ANK1: variants seen among roughly 807,000 people sequenced by gnomAD.
ANK1 encodes the protein ankyrin 1.
In ANK1, 51 loss-of-function variants were observed where a neutral mutation model predicts 210.4. The ratio of observed to expected loss-of-function variants is 0.24; its 90% CI spans 0.19 to 0.31. The LOEUF (loss-of-function observed/expected upper bound fraction) is 0.31. Among genes scored for constraint, ANK1 ranks in the 10% least tolerant of loss-of-function variants. ANK1 has a pLI of 1.00. For missense variants in ANK1, 2,051 were observed against 2,504.4 expected (o/e 0.82, Z 3.86); for synonymous variants, 967 against 1,025.9 (o/e 0.94, Z 1.10).
intron 40 of ANK1, among the ~76,000 whole-genome samples, chr8:41,663,223 G>A (rs967032630): frequency 3.3e-5 from 5 of 151,944 alleles, no homozygotes; most frequent in East Asian, 1.9e-4. Context: ...GGGCTCAAGC[G>A]ATCCTCCTGC....
intron 1 of ANK1, among the ~76,000 whole-genome samples, chr8:41,762,640 T>C (rs1431799779): frequency 6.6e-6 from 1 of 152,238 alleles, no homozygotes; most frequent in African/African-American, 2.4e-5. Context: ...AGGCATGAGC[T>C]GGGTTTCCAG....
In ANK1 at chr8:41,672,682, C is replaced by T. The variant is rs913559693; in HGVS notation, c.4768G>A (p.Ala1590Thr). The stretch of plus-strand genomic sequence containing the variant: ...TGACCTGTGGCATCAGAGTCCTCAG[C>T]CTTGCTACACTCCAGAGAGGAGTCC... ...AEDSSLECSK[A>T]EDSDATGHEW... Residue 1590 changes from alanine to threonine, a missense_variant, in exon 38 of 43, where the codon GCT (alanine) becomes ACT (threonine). This residue lies in a region of ANK1 where 496 missense variants were observed against 533.4 expected (regional missense o/e 0.93). Transcript: ENST00000289734. 5.6e-6 allele frequency: 9 copies of T among 1,613,982 alleles called. No homozygotes were observed. The African/African-American group carries it at 1.1e-4, about 19-fold the overall frequency.
chr8:41,705,502 AG>A (rs1033605258), intron 18 of ANK1, among the ~76,000 whole-genome samples: 1 of 151,864 alleles, frequency 6.6e-6, no homozygotes. Flanking sequence ...GCTACTCTGG[AG>A]GGGGCGGGAG....
intron 1 of ANK1, among the ~76,000 whole-genome samples, chr8:41,850,908 G>C (rs1811117159): frequency 6.6e-6 from 1 of 152,262 alleles, no homozygotes; most frequent in Non-Finnish European, 1.5e-5. Context: ...AAGCTCACGT[G>C]CATGTCATCA....
At chr8:41,709,677 G>A (rs1360549224) in intron 16 of ANK1, among the ~76,000 whole-genome samples, 2 of 152,220 alleles carry the variant, frequency 1.3e-5, no homozygotes, top group East Asian at 1.9e-4. Flanking sequence ...GTTCATGCCT[G>A]TATTCCCAAC....
At chr8:41,778,558 C>T (rs1050133069) in intron 1 of ANK1, among the ~76,000 whole-genome samples, 2 of 152,210 alleles carry the variant, frequency 1.3e-5, no homozygotes, top group African/African-American at 4.8e-5. Context: ...GGCTTCCTGA[C>T]CTCCTGGAGA....
At chr8:41,687,017 G>A (rs565619375) in intron 35 of ANK1, among the ~76,000 whole-genome samples, 4 of 152,018 alleles carry the variant, frequency 2.6e-5, no homozygotes, top group South Asian at 2.1e-4. Context: ...GCACACACAC[G>A]CCCCCTGAGC....
chr8:41,831,691 AAAGG>A (rs1209918030), intron 1 of ANK1, among the ~76,000 whole-genome samples: 22 of 152,082 alleles, frequency 1.4e-4, no homozygotes, highest in East Asian at 3.9e-4. Context: ...AAAGGAAAGA[AAAGG>A]AAGGAAGGAA....
At chr8:41,815,070 G>A (rs1199038510) in intron 1 of ANK1, among the ~76,000 whole-genome samples, 1 of 152,050 alleles carries the variant, frequency 6.6e-6, no homozygotes, top group Non-Finnish European at 1.5e-5. Context: ...AATATCAAAA[G>A]GTTTAAACAT....
chr8:41,756,214 C>T (rs1478540255), intron 2 of ANK1, among the ~76,000 whole-genome samples: 2 of 152,018 alleles, frequency 1.3e-5, no homozygotes, highest in South Asian at 2.1e-4. Context: ...ACGACGATCT[C>T]GGCTCACTGC....
intron 5 of ANK1, among the ~76,000 whole-genome samples, chr8:41,727,014 C>T (rs1206400388): frequency 6.6e-6 from 1 of 152,250 alleles, no homozygotes; most frequent in East Asian, 1.9e-4. Context: ...GCGGGAAGGA[C>T]ACCCTCAAGT....
intron 1 of ANK1, among the ~76,000 whole-genome samples, chr8:41,810,514 T>C (rs1372009195): frequency 6.6e-6 from 1 of 152,214 alleles, no homozygotes; most frequent in Non-Finnish European, 1.5e-5. Context: ...GAGGCTGCCC[T>C]ACAGCCGTGC....
At chr8:41,777,273 A>G (rs1182211689) in intron 1 of ANK1, among the ~76,000 whole-genome samples, 1 of 152,076 alleles carries the variant, frequency 6.6e-6, no homozygotes, top group Non-Finnish European at 1.5e-5. Context: ...CCTTGGCTTC[A>G]TGTCTTTTTA....
At chr8:41,882,325 G>A (rs1159016551) in intron 1 of ANK1, among the ~76,000 whole-genome samples, 2 of 152,036 alleles carry the variant, frequency 1.3e-5, no homozygotes, top group Non-Finnish European at 2.9e-5. Context: ...AGGGTTCATC[G>A]CCCCGTACAT....
chr8:41,841,311 C>T (rs1808846902), intron 1 of ANK1, among the ~76,000 whole-genome samples: 1 of 152,190 alleles, frequency 6.6e-6, no homozygotes, highest in African/African-American at 2.4e-5. Context: ...CATGATTCCA[C>T]TTAAACGGGG....
chr8:41,859,058 T>G (rs1332651950), intron 1 of ANK1, among the ~76,000 whole-genome samples: 1 of 152,186 alleles, frequency 6.6e-6, no homozygotes, highest in Non-Finnish European at 1.5e-5. Context: ...GAGCAGGGCC[T>G]CAGGAACAGG....
chr8:41,746,142 T>C (rs1358887170), intron 2 of ANK1, among the ~76,000 whole-genome samples: 3 of 152,192 alleles, frequency 2.0e-5, no homozygotes, highest in African/African-American at 7.2e-5. Flanking sequence ...GGAGACCTCT[T>C]CTGGAGGGCA....
intron 1 of ANK1, among the ~76,000 whole-genome samples, chr8:41,854,530 A>G (rs1811828293): frequency 1.3e-5 from 2 of 152,164 alleles, no homozygotes; most frequent in Admixed American, 1.3e-4. Flanking sequence ...CTGGGCCCTC[A>G]CCATAATGCT....
chr8:41,896,602 GC>G, exon 1 of ANK1: 1 of 1,276,942 alleles, frequency 7.8e-7, no homozygotes, highest in Non-Finnish European at 1.0e-6. Flanking sequence ...CGTTCGTGGC[GC>G]CCCGAGGGCC....
Sources: gnomAD v4.1 joint callset for allele counts (sites outside exome capture counted in the v4.1 genomes callset) on GRCh38, gnomAD v4.1.1 for gene constraint, gnomAD v4.1.1 regional missense constraint, MANE v1.5 for transcripts, NCBI Gene and HGNC (gene_info 2026-07-23, HGNC 2026-07-21) for gene names.